SMG7: variants seen among roughly 807,000 people sequenced by gnomAD.
SMG7 encodes the protein SMG7 nonsense mediated mRNA decay factor.
SMG7 carries 34 observed loss-of-function variants against 148.2 expected under a neutral mutation model. The ratio of observed to expected loss-of-function variants is 0.23; its 90% CI spans 0.17 to 0.31. The LOEUF is 0.31. Ranked by LOEUF, SMG7 falls within the 10% of genes least tolerant of loss-of-function variation. SMG7 has a pLI of 1.00. For missense variants in SMG7, 1,114 were observed against 1,408.4 expected (o/e 0.79, Z 3.35); for synonymous variants, 492 against 515.1 (o/e 0.96, Z 0.61).
At chr1:183,481,923 C>T (rs959781989) in intron 1 of SMG7, among the ~76,000 whole-genome samples, 3 of 151,718 alleles carry the variant, frequency 2.0e-5, no homozygotes, top group Non-Finnish European at 4.4e-5. Flanking sequence ...AAGTGATCCT[C>T]TTGCCTCAGC....
Position 183,553,184 on chromosome 1 carries a change from CGAAA to C in SMG7, c.*1259_*1262del. 3 of 1,534,712 alleles carry C rather than the reference CGAAA, an allele frequency of 2.0e-6. No individual in the cohort carries two copies. The highest frequency in any genetic ancestry group is 1.4e-5 in the African/African-American group (1 of 72,854). On this transcript the variant is annotated 3_prime_UTR_variant, in exon 23 of 23. Coordinates refer to ENST00000688051, the MANE Select transcript of SMG7 (RefSeq NM_001375584.1). ...ACGACGTCGTCCATTTTGGAAGAGA[CGAAA>C]GAAAGGAAAATAAACTCTTTGTATG...
rs1433922340 is a variant in SMG7 at position 183,528,889 on chromosome 1, T to C, written c.557-3T>C. The C allele has an allele frequency of 6.2e-7, 1 of 1,609,136 alleles. No homozygotes were observed. Among genetic ancestry groups the C allele is most frequent in the Admixed American group, 1.7e-5 (1 of 58,818 alleles). On this transcript the variant is annotated splice_polypyrimidine_tract_variant and splice_region_variant and intron_variant, in intron 6 of 22. Transcript: ENST00000688051. The stretch of plus-strand genomic sequence containing the variant: ...ACTCCAGAATCTTAACTTTCTCCTG[T>C]AGGTCAGCCTTATAATCAGTTGGCT...
chr1:183,528,885 C>A lies in SMG7; in HGVS notation c.557-7C>A, dbSNP rs757206016. The A allele has an allele frequency of 1.2e-6, 2 of 1,608,316 alleles. No individual in the cohort carries two copies. The highest frequency in any genetic ancestry group is 1.7e-6 in the Non-Finnish European group (2 of 1,177,322). On this transcript the variant is annotated splice_polypyrimidine_tract_variant and splice_region_variant and intron_variant, in intron 6 of 22. Coordinates refer to ENST00000688051, the MANE Select transcript of SMG7 (RefSeq NM_001375584.1). ...GGTTACTCCAGAATCTTAACTTTCTCCTGTAGGTCAGCCTTATAATCAGTT... is the reference window on the plus strand; with the variant it reads ...GGTTACTCCAGAATCTTAACTTTCTACTGTAGGTCAGCCTTATAATCAGTT...
chr1:183,502,475 A>C (rs1396714603), intron 1 of SMG7: 9 of 1,113,230 alleles, frequency 8.1e-6, no homozygotes, highest in Admixed American at 2.9e-5. Flanking sequence ...AATACTAATA[A>C]AATTAGAAAC....
In SMG7 at chr1:183,553,746, C is replaced by G. The variant is rs1671442573; in HGVS notation, c.*1815C>G. ...AAACCTTTTGTGCTTCTCTTCAGCC[C>G]CTTCCCTGTGTCCACCTTTCTCTCC... On this transcript the variant is annotated 3_prime_UTR_variant, in exon 23 of 23. Coordinates refer to ENST00000688051, the MANE Select transcript of SMG7 (RefSeq NM_001375584.1). 1 of 153,314 alleles carries G rather than the reference C, an allele frequency of 6.5e-6. No individual in the cohort carries two copies. Among genetic ancestry groups the G allele is most frequent in the South Asian group, 2.1e-4 (1 of 4,876 alleles). 9.5% of individuals were successfully genotyped at this position (153,314 alleles called of 1,614,324 possible).
At chr1:183,541,176 G>GCACA (rs998213993) in intron 13 of SMG7, 73 bp downstream of exon 13, 22 of 1,244,964 alleles carry the variant, frequency 1.8e-5, no homozygotes, top group Middle Eastern at 1.9e-4. Flanking sequence ...ACACGCGCGC[G>GCACA]CACACACACA....
intron 12 of SMG7, among the ~76,000 whole-genome samples, chr1:183,540,104 C>G (rs1035959407): frequency 2.6e-5 from 4 of 152,126 alleles, no homozygotes; most frequent in African/African-American, 9.7e-5. Context: ...GAATAGCTCA[C>G]TATTTTTATT....
rs1016371895 is a variant in SMG7, at chr1:183,529,310, A to G, written c.708-88A>G. On this transcript the variant is annotated intron_variant, in intron 7 of 22. Transcript: ENST00000688051. ...TCAGTCAAATACAGCTCTTTTGTGT[A>G]TCAAGTATTTAGCAAGCCAGTGCCT... 502 of 1,430,952 alleles carry G rather than the reference A, an allele frequency of 3.5e-4. 2 individuals carry two copies. Among genetic ancestry groups the G allele is most frequent in the Non-Finnish European group, 3.4e-5 (36 of 1,045,266 alleles). The allele number at this position is 1,430,952 out of a possible 1,614,324, so 88.6% of individuals were successfully genotyped here.
intron 3 of SMG7, 75 bp downstream of exon 3, chr1:183,516,066 G>A (rs915346089): frequency 3.6e-5 from 32 of 896,800 alleles, no homozygotes; most frequent in East Asian, 1.3e-4. Context: ...AGTTTGGTTC[G>A]TTATTTATTT....
intron 12 of SMG7, among the ~76,000 whole-genome samples, chr1:183,540,238 A>T (rs1668571941): frequency 6.6e-6 from 1 of 152,110 alleles, no homozygotes; most frequent in Non-Finnish European, 1.5e-5. Flanking sequence ...ACTCTATGAA[A>T]CCTTTCAGAG....
At chr1:183,495,991 A>AAG (rs1658397195) in intron 1 of SMG7, among the ~76,000 whole-genome samples, 1 of 152,206 alleles carries the variant, frequency 6.6e-6, no homozygotes, top group Admixed American at 6.5e-5. Flanking sequence ...TGAGCAAAAA[A>AAG]AGTTTAGGCT....
intron 4 of SMG7, among the ~76,000 whole-genome samples, chr1:183,522,281 A>G (rs1358312704): frequency 6.6e-6 from 1 of 152,192 alleles, no homozygotes; most frequent in Non-Finnish European, 1.5e-5. Context: ...TGATTATAGT[A>G]AAGAACCCTG....
Position 183,542,223 on chromosome 1 carries a change from A to G in SMG7, c.1563A>G (p.Pro521=), listed in dbSNP as rs762528547. ...VIESLAADGS[P]GLKSVLSTSR... is the part of the protein sequence containing the mutation. ...AGTCGCTGGCTGCAGATGGGAGCCC[A>G]GGGCTAAAATCAGTGCTATCTACAA... Residue 521 remains proline (P), a synonymous_variant, in exon 14 of 23, where the codon CCA becomes CCG. Coordinates refer to ENST00000688051, the MANE Select transcript of SMG7 (RefSeq NM_001375584.1). 5.6e-6 allele frequency: 9 copies of G among 1,614,170 alleles called. No homozygotes were observed. The South Asian group carries it at 8.8e-5, about 16-fold the overall frequency.
chr1:183,545,994 T>C lies in SMG7; in HGVS notation c.2399T>C (p.Leu800Pro). 6.2e-7 allele frequency: 1 copy of C among 1,609,380 alleles called. No homozygotes were observed. The highest frequency in any genetic ancestry group is 8.5e-7 in the Non-Finnish European group (1 of 1,178,328). ...CAACAGGCAGATGCCTCCAAACAGC[T>C]GTGGAATCCCCCTCAGGTTCAAGGC... Reference protein sequence around the residue: ...QYQQADASKQLWNPPQVQGPL... With the variant: ...QYQQADASKQPWNPPQVQGPL... The change falls in exon 17 of 23, where the codon CTG becomes CCG. Residue 800 changes from leucine to proline, a missense_variant. Around this residue, in one of 4 missense-constraint regions of SMG7, gnomAD observed 788 missense variants for 894.5 expected, o/e 0.88. Transcript: ENST00000688051.
At position 183,544,475 on chromosome 1, in the gene SMG7, C is replaced by G. The variant is rs1186492731; in HGVS notation, c.1965C>G (p.Phe655Leu). The change falls in exon 15 of 23, where the codon TTC becomes TTG. Residue 655 changes from phenylalanine (F) to leucine (L), a missense_variant. Physicochemically the swap from Phe to Leu is conservative, Grantham distance 22. Around this residue, in one of 4 missense-constraint regions of SMG7, gnomAD observed 788 missense variants for 894.5 expected, o/e 0.88. Coordinates refer to ENST00000688051, the MANE Select transcript of SMG7 (RefSeq NM_001375584.1). ...QFIPIHHPGA[F>L]PPLPSRPGFP... ...TCCCCATTCATCACCCTGGAGCCTT[C>G]CCTCCTCTTCCCAGCAGGCCAGGTA... The G allele has an allele frequency of 1.9e-6, 3 of 1,613,774 alleles. No individual in the cohort carries two copies. The highest frequency in any genetic ancestry group is 2.5e-6 in the Non-Finnish European group (3 of 1,179,766).
chr1:183,487,552 C>G (rs1655780205), intron 1 of SMG7, among the ~76,000 whole-genome samples: 1 of 152,218 alleles, frequency 6.6e-6, no homozygotes, highest in East Asian at 1.9e-4. Flanking sequence ...GGAACAGTGC[C>G]TCAAATCACA....
chr1:183,490,100 G>A (rs1231741474), intron 1 of SMG7, among the ~76,000 whole-genome samples: 2 of 152,152 alleles, frequency 1.3e-5, no homozygotes, highest in Admixed American at 6.5e-5. Flanking sequence ...TGAGAGTTTG[G>A]GAAATACAAG....
intron 2 of SMG7, among the ~76,000 whole-genome samples, chr1:183,514,216 C>CAAAAAA (rs36125833): frequency 1.0e-5 from 1 of 99,134 alleles, no homozygotes; most frequent in Non-Finnish European, 2.3e-5. Context: ...GTGAAATTCA[C>CAAAAAA]AAAAAAAAAA....
intron 1 of SMG7, among the ~76,000 whole-genome samples, chr1:183,507,411 G>C (rs768077917): frequency 2.6e-5 from 4 of 152,044 alleles, no homozygotes; most frequent in African/African-American, 4.8e-5. Flanking sequence ...TCTTGTGTAA[G>C]AGAGGAACTA....
Sources: allele counts gnomAD v4.1 joint callset (sites outside exome capture counted in the v4.1 genomes callset), GRCh38; gene constraint gnomAD v4.1.1; regional missense constraint gnomAD v4.1.1; transcripts MANE v1.5; gene names NCBI Gene and HGNC (gene_info 2026-07-23, HGNC 2026-07-21).